CCPG1: variants seen among roughly 807,000 people sequenced by gnomAD.
CCPG1 encodes the protein cell cycle progression protein 1.
In CCPG1, 46 loss-of-function variants were observed where a neutral mutation model predicts 81.3. That is an observed-to-expected ratio of 0.57 (90% CI 0.45 to 0.72). CCPG1 has a LOEUF of 0.72. Among genes scored for constraint, CCPG1 ranks in the 30% least tolerant of loss-of-function variants. The pLI, the probability that CCPG1 is intolerant of heterozygous loss-of-function variation, is 0.00. For missense variants in CCPG1, 902 were observed against 937.6 expected, an observed-to-expected ratio of 0.96 and a Z score of 0.50; for synonymous variants, 330 against 305.2, an observed-to-expected ratio of 1.08 and a Z score of -0.85.
intron 8 of CCPG1, chr15:55,357,234 T>C (rs527437224): frequency 9.2e-6 from 8 of 867,928 alleles, no homozygotes; most frequent in African/African-American, 3.5e-5. Flanking sequence ...GGTACTACTA[T>C]CCAACAAGAT....
intron 6 of CCPG1, 112 bp from the exon 7 acceptor site, chr15:55,365,421 T>TTTCTTTTTTTTG: frequency 2.9e-6 from 1 of 342,664 alleles, no homozygotes; most frequent in Non-Finnish European, 5.6e-6. Context: ...TTTTTTTTGT[T>TTTCTTTTTTTTG]TTTTTTTTTT....
chr15:55,388,181 A>G (rs536239962), intron 2 of CCPG1, among the ~76,000 whole-genome samples: 1 of 152,218 alleles, frequency 6.6e-6, no homozygotes, highest in South Asian at 2.1e-4. Flanking sequence ...AGAAAAAAAG[A>G]AAACAAGTGA....
intron 4 of CCPG1, among the ~76,000 whole-genome samples, chr15:55,377,411 C>A (rs896801318): frequency 3.3e-5 from 5 of 152,184 alleles, no homozygotes; most frequent in Non-Finnish European, 7.3e-5. Flanking sequence ...CCCATCTTTG[C>A]CCCCTCAATA....
chr15:55,406,923 T>C (rs1839688232), intron 1 of CCPG1, among the ~76,000 whole-genome samples: 1 of 151,892 alleles, frequency 6.6e-6, no homozygotes, highest in Non-Finnish European at 1.5e-5. Context: ...AGGTTAAAAA[T>C]TATGAATTAA....
At chr15:55,381,331 C>G (rs553828830) in intron 3 of CCPG1, among the ~76,000 whole-genome samples, 1 of 151,226 alleles carries the variant, frequency 6.6e-6, no homozygotes, top group East Asian at 2.0e-4. Context: ...GTAATCCAAG[C>G]TACACAGGAG....
chr15:55,379,681 A>T (rs960494381), intron 3 of CCPG1, among the ~76,000 whole-genome samples: 3 of 152,154 alleles, frequency 2.0e-5, no homozygotes, highest in Non-Finnish European at 2.9e-5. Flanking sequence ...AATTTTTTTT[A>T]AAAAAGAAAG....
chr15:55,363,693 C>G (rs1359804596), intron 7 of CCPG1, among the ~76,000 whole-genome samples: 1 of 147,872 alleles, frequency 6.8e-6, no homozygotes. Flanking sequence ...GTATTTTTGT[C>G]TTTTCAAGAA....
At chr15:55,361,580 C>G (rs941681909) in intron 7 of CCPG1, among the ~76,000 whole-genome samples, 1 of 151,498 alleles carries the variant, frequency 6.6e-6, no homozygotes, top group Non-Finnish European at 1.5e-5. Flanking sequence ...GTGGCATGCA[C>G]CTGTAGTCCC....
At chr15:55,366,450 G>T (rs17819096) in intron 6 of CCPG1, among the ~76,000 whole-genome samples, 35,334 of 151,970 alleles carry the variant, frequency 0.23, 5,206 homozygotes, top group Non-Finnish European at 0.33. Flanking sequence ...AATCTGTACT[G>T]GAGTAGCACT....
intron 2 of CCPG1, among the ~76,000 whole-genome samples, chr15:55,388,197 A>C (rs2056842433): frequency 6.6e-6 from 1 of 152,096 alleles, no homozygotes; most frequent in Non-Finnish European, 1.5e-5. Flanking sequence ...AGTGAGGCTT[A>C]CAATACCCTA....
intron 7 of CCPG1, among the ~76,000 whole-genome samples, chr15:55,364,515 AAG>A (rs1447138178): frequency 1.3e-5 from 2 of 151,014 alleles, no homozygotes; most frequent in Non-Finnish European, 3.0e-5. Context: ...AGCTAGGGAT[AAG>A]AGTTCTTAAG....
chr15:55,363,718 G>C (rs2056255207), intron 7 of CCPG1, among the ~76,000 whole-genome samples: 1 of 149,830 alleles, frequency 6.7e-6, no homozygotes, highest in Admixed American at 6.7e-5. Context: ...AACCTGTAAG[G>C]GAAGCATACA....
At chr15:55,392,306 G>A (rs1394425776) in intron 1 of CCPG1, among the ~76,000 whole-genome samples, 6 of 148,620 alleles carry the variant, frequency 4.0e-5, no homozygotes, top group Non-Finnish European at 4.4e-5. Flanking sequence ...CTGACTCCCT[G>A]GTTCAAGCGA....
At position 55,360,455 on chromosome 15, in the gene CCPG1, A is replaced by T. The variant is rs1486164605; in HGVS notation, c.1318T>A (p.Phe440Ile). 6.2e-7 allele frequency: 1 copy of T among 1,613,904 alleles called. No individual in the cohort carries two copies. The highest frequency in any genetic ancestry group is 2.2e-5 in the East Asian group (1 of 44,888). ...RLTELERKLT[F>I]EQQRSDLWER... ...CACAAATCAGAACGCTGCTGTTCGA[A>T]GGTTAGCTTCCGTTCCAGCTCAGTG... is the stretch of plus-strand genomic sequence containing the variant. Residue 440 changes from phenylalanine (F) to isoleucine (I), a missense_variant, in exon 8 of 9, where the codon TTC becomes ATC. Around this residue, in one of 3 missense-constraint regions of CCPG1, gnomAD observed 746 missense variants for 728.6 expected, o/e 1.02. Coordinates refer to ENST00000442196, the MANE Select transcript of CCPG1 (RefSeq NM_001204450.2).
chr15:55,380,595 G>A (rs1311865602), intron 3 of CCPG1, among the ~76,000 whole-genome samples: 1 of 151,530 alleles, frequency 6.6e-6, no homozygotes, highest in Admixed American at 6.6e-5. Flanking sequence ...GCGCCCGGTC[G>A]ATCATGCATT....
Position 55,365,094 on chromosome 15 carries a change from G to T in CCPG1, c.828+94C>A, listed in dbSNP as rs1286600241. Reference sequence around the variant, plus strand: ...TTCAACAATGATCAGCATTATTACTGATTTACTAATCTGCACTAATAAGCA... The same window carrying T: ...TTCAACAATGATCAGCATTATTACTTATTTACTAATCTGCACTAATAAGCA... On this transcript the variant is annotated intron_variant, in intron 7 of 8. Transcript: ENST00000442196. 6.9e-6 allele frequency: 5 copies of T among 721,360 alleles called. No homozygotes were observed. The South Asian group carries it at 7.8e-5, about 11-fold the overall frequency. 44.7% of individuals were successfully genotyped at this position (721,360 alleles called of 1,614,324 possible). A position where few individuals can be genotyped will look rare whatever the true frequency, so the allele number is the denominator to read the frequency against.
chr15:55,359,672 CA>C lies in CCPG1; in HGVS notation c.2100del (p.Phe700LeufsTer12). 1 of 1,613,450 alleles carries C rather than the reference CA, an allele frequency of 6.2e-7. No homozygotes were observed. Among genetic ancestry groups the C allele is most frequent in the Non-Finnish European group, 8.5e-7 (1 of 1,179,854 alleles). On this transcript the variant is annotated frameshift_variant, in exon 8 of 9. Coordinates refer to ENST00000442196, the MANE Select transcript of CCPG1 (RefSeq NM_001204450.2). LOFTEE classifies it high-confidence loss of function. ...FIHDQKLFTD[F>X]VNDVKDYLRN... ...CTAAGATAATCTTTAACATCATTAA[CA>C]AAGTCAGTGAAGAGCTTCTGATCAT...
At chr15:55,377,812 G>A (rs991053190) in intron 4 of CCPG1, among the ~76,000 whole-genome samples, 11 of 152,332 alleles carry the variant, frequency 7.2e-5, no homozygotes, top group Admixed American at 2.6e-4. Context: ...CACTGAACTT[G>A]TCCACACTTT....
chr15:55,358,874 T>C (rs2056134909), intron 8 of CCPG1: 24 of 966,174 alleles, frequency 2.5e-5, no homozygotes, highest in Non-Finnish European at 2.7e-5. Context: ...TTCAGAAAGA[T>C]TAAGTATTTC....
Sources: allele counts gnomAD v4.1 joint callset (sites outside exome capture counted in the v4.1 genomes callset), GRCh38; gene constraint gnomAD v4.1.1; regional missense constraint gnomAD v4.1.1; transcripts MANE v1.5; gene names NCBI Gene and HGNC (gene_info 2026-07-23, HGNC 2026-07-21).